The following AKT3 variants were observed in gnomAD, a reference collection of about 807,000 sequenced individuals.
AKT3 encodes RAC-gamma serine/threonine-protein kinase.
A neutral mutation model predicts 65.3 loss-of-function variants in AKT3; 15 were observed. That is an observed-to-expected ratio of 0.23 (90% CI 0.15 to 0.35). AKT3 has a LOEUF of 0.35. Ranked by LOEUF, AKT3 falls within the 10% of genes least tolerant of loss-of-function variation. The probability of loss-of-function intolerance (pLI) is 1.00; values close to 1 mark genes in which losing one functional copy is unlikely to be tolerated. For synonymous variants in AKT3, 206 were observed against 183.8 expected (o/e 1.12, Z -0.98); for missense variants, 243 against 576.5 (o/e 0.42, Z 5.92).
chr1:243,614,507 C>A (rs1678145912), intron 7 of AKT3, among the ~76,000 whole-genome samples: 1 of 152,072 alleles, frequency 6.6e-6, no homozygotes, highest in Non-Finnish European at 1.5e-5. Flanking sequence ...TCTTTCAAGA[C>A]AACTAAGTTG....
chr1:243,498,582 G>A (rs1668656572), downstream of AKT3, among the ~76,000 whole-genome samples: 1 of 152,218 alleles, frequency 6.6e-6, no homozygotes, highest in Non-Finnish European at 1.5e-5. Context: ...GTTGTCCTCA[G>A]GGTCTCTCAC....
At chr1:243,849,386 A>ACACCC (rs1695655591) in intron 1 of AKT3, among the ~76,000 whole-genome samples, 2 of 107,020 alleles carry the variant, frequency 1.9e-5, no homozygotes, top group African/African-American at 3.9e-5. Context: ...CCACACACAC[A>ACACCC]CCCCCCCCCC....
intron 2 of AKT3, among the ~76,000 whole-genome samples, chr1:243,707,745 T>C (rs987034289): frequency 6.6e-6 from 1 of 152,122 alleles, no homozygotes; most frequent in African/African-American, 2.4e-5. Flanking sequence ...AATCATCATC[T>C]AATCCCCAAT....
intron 4 of AKT3, among the ~76,000 whole-genome samples, chr1:243,655,530 A>C (rs1469706941): frequency 6.6e-6 from 1 of 152,126 alleles, no homozygotes; most frequent in East Asian, 1.9e-4. Flanking sequence ...GACACAACAC[A>C]TGAAAACTGA....
intron 8 of AKT3, among the ~76,000 whole-genome samples, chr1:243,600,544 C>CT (rs1558644668): frequency 6.6e-6 from 1 of 152,032 alleles, no homozygotes; most frequent in Non-Finnish European, 1.5e-5. Context: ...GGTACCAAAT[C>CT]ATTCAATGGG....
At chr1:243,747,452 A>T (rs1688543795) in intron 2 of AKT3, among the ~76,000 whole-genome samples, 1 of 152,178 alleles carries the variant, frequency 6.6e-6, no homozygotes, top group Admixed American at 6.5e-5. Flanking sequence ...TGCTTCAACA[A>T]AATTTGGGGA....
At chr1:243,574,903 A>G (rs1433603406) in intron 8 of AKT3, among the ~76,000 whole-genome samples, 1 of 152,146 alleles carries the variant, frequency 6.6e-6, no homozygotes, top group African/African-American at 2.4e-5. Context: ...AACTTTACAA[A>G]AAATATGGAT....
rs576473328 is a variant in AKT3, at chr1:243,623,012, T to A, written c.562-7851A>T. ...CAAACTCTACACATTCCCAAAAAAGTCAGTCTTCAGAACTGGCGCCGTTGG... is the reference window on the plus strand; with the variant it reads ...CAAACTCTACACATTCCCAAAAAAGACAGTCTTCAGAACTGGCGCCGTTGG... On this transcript the variant is annotated intron_variant, in intron 6 of 13. Coordinates refer to ENST00000673466, the MANE Select transcript of AKT3 (RefSeq NM_005465.7). Among the ~76,000 whole-genome samples, 6 of 152,326 alleles carry A rather than the reference T, an allele frequency of 3.9e-5. No homozygotes were observed. In the East Asian group the frequency reaches 1.2e-3, roughly 29 times the overall value.
intron 6 of AKT3, 73 bp from the exon 7 acceptor site, chr1:243,615,234 A>C: frequency 8.3e-7 from 1 of 1,204,806 alleles, no homozygotes; most frequent in East Asian, 2.4e-5. Context: ...TATTTCTCTA[A>C]AATTGGAAGA....
chr1:243,841,090 G>A (rs4593807), intron 2 of AKT3, among the ~76,000 whole-genome samples: 126,298 of 152,034 alleles, frequency 0.83, 52,617 homozygotes, highest in Non-Finnish European at 0.86. Flanking sequence ...CTCAAAATAA[G>A]CACATACACA....
rs1218413040 is a variant in AKT3, at chr1:243,744,009, T to C, written c.47-48293A>G. On this transcript the variant is annotated intron_variant, in intron 2 of 13. Coordinates refer to ENST00000673466, the MANE Select transcript of AKT3 (RefSeq NM_005465.7). ...TCCAGCAGCCCCACTTCTAGGTACA[T>C]AGCCAACAGAAATGTGTATGTATGC... Among the ~76,000 whole-genome samples the C allele has an allele frequency of 5.3e-5, 8 of 152,170 alleles. No homozygotes were observed. In the East Asian group the frequency reaches 9.6e-4, roughly 18 times the overall value.
intron 12 of AKT3, among the ~76,000 whole-genome samples, chr1:243,534,814 A>C (rs1671783546): frequency 6.6e-6 from 1 of 152,180 alleles, no homozygotes; most frequent in African/African-American, 2.4e-5. Context: ...AAAACATCAA[A>C]ATTTGTGAGA....
chr1:243,561,721 G>C (rs909856291), intron 10 of AKT3, among the ~76,000 whole-genome samples: 1 of 152,114 alleles, frequency 6.6e-6, no homozygotes, highest in African/African-American at 2.4e-5. Flanking sequence ...TGGAGTTTGA[G>C]GGGAAATGGA....
chr1:243,757,435 T>C (rs990369054), intron 2 of AKT3, among the ~76,000 whole-genome samples: 1 of 152,050 alleles, frequency 6.6e-6, no homozygotes, highest in Non-Finnish European at 1.5e-5. Context: ...CTGGCCAACA[T>C]GGTGAAACCC....
At chr1:243,830,726 G>A (rs749564333) in intron 2 of AKT3, among the ~76,000 whole-genome samples, 16 of 152,254 alleles carry the variant, frequency 1.1e-4, no homozygotes, top group Non-Finnish European at 1.9e-4. Context: ...GTACTTTACC[G>A]TTCTAAGAGT....
At chr1:243,613,542 A>T in intron 8 of AKT3, 129 bp downstream of exon 8, 1 of 540,468 alleles carries the variant, frequency 1.9e-6, no homozygotes, top group Non-Finnish European at 3.1e-6. Context: ...TTTGTTCAAT[A>T]GTATTAAGAG....
chr1:243,581,822 T>C (rs969632560), intron 8 of AKT3, among the ~76,000 whole-genome samples: 2 of 151,186 alleles, frequency 1.3e-5, no homozygotes, highest in African/African-American at 4.9e-5. Flanking sequence ...CAAGACAAAG[T>C]TGAAAATCAA....
chr1:243,761,611 T>A (rs1299120120), intron 2 of AKT3, among the ~76,000 whole-genome samples: 1 of 151,984 alleles, frequency 6.6e-6, no homozygotes, highest in Non-Finnish European at 1.5e-5. Flanking sequence ...TTAAGCTAAA[T>A]GAAATAGGCC....
intron 9 of AKT3, among the ~76,000 whole-genome samples, chr1:243,566,541 T>TG (rs1674171764): frequency 6.6e-6 from 1 of 152,116 alleles, no homozygotes; most frequent in African/African-American, 2.4e-5. Context: ...GTCATGGCCA[T>TG]GGGGACTGGT....
Sources: gnomAD v4.1 joint callset for allele counts (sites outside exome capture counted in the v4.1 genomes callset) on GRCh38, gnomAD v4.1.1 for gene constraint, MANE v1.5 for transcripts, NCBI Gene and HGNC (gene_info 2026-07-23, HGNC 2026-07-21) for gene names.